The following PHF8 variants were observed in gnomAD, a reference collection of about 807,000 sequenced individuals.
The protein encoded by PHF8 is histone lysine demethylase PHF8.
PHF8 carries 9 observed loss-of-function variants against 74.4 expected under a neutral mutation model. The observed-to-expected ratio is 0.12, with a 90% confidence interval of 0.07 to 0.21. The LOEUF (loss-of-function observed/expected upper bound fraction) is 0.21. Among genes scored for constraint, PHF8 ranks in the 10% least tolerant of loss-of-function variants. The pLI is 1.00. For missense variants in PHF8, 478 were observed against 816.6 expected, an observed-to-expected ratio of 0.59 and a Z score of 5.05; for synonymous variants, 311 against 316.6, an observed-to-expected ratio of 0.98 and a Z score of 0.19.
At chrX:54,000,360 A>C (rs1286595257) in intron 10 of PHF8, among the ~76,000 whole-genome samples, 1 of 111,868 alleles carries the variant, frequency 8.9e-6, no homozygotes, top group Non-Finnish European at 1.9e-5. Context: ...AACACTCAGG[A>C]GGACTATGAG....
At chrX:53,968,542 T>C in intron 18 of PHF8, among the ~76,000 whole-genome samples, 1 of 112,423 alleles carries the variant, frequency 8.9e-6, no homozygotes. Context: ...GAGGAGGGAA[T>C]ACTTCCACAA....
intron 6 of PHF8, 62 bp downstream of exon 6, chrX:54,016,533 A>C: frequency 5.4e-5 from 49 of 910,569 alleles, no homozygotes; most frequent in Non-Finnish European, 6.7e-5. Context: ...AATATACACT[A>C]GATATATCAC....
Position 54,042,704 on chromosome X carries a change from G to A in PHF8, c.25C>T (p.Leu9Phe). Residue 9 changes from leucine to phenylalanine, a missense_variant, in exon 2 of 22, where the codon CTC becomes TTC. By Grantham distance (22) the Leu-to-Phe change is conservative. Around this residue, in one of 9 missense-constraint regions of PHF8, gnomAD observed 15 missense variants for 50.6 expected, o/e 0.30. Transcript: ENST00000338154. MASVPVYCLCRLPYDVTRF... is the reference protein window; with the variant it reads MASVPVYCFCRLPYDVTRF... Reference sequence around the variant, plus strand: ...GTCACATCGTAAGGCAGCCGGCAGAGGCAATACACCGGCACCGAGGCCATC... The same window carrying A: ...GTCACATCGTAAGGCAGCCGGCAGAAGCAATACACCGGCACCGAGGCCATC... 1 of 1,211,013 alleles carries A rather than the reference G, an allele frequency of 8.3e-7. No individual in the cohort carries two copies.
At chrX:54,040,039 C>A (rs2066526755) in intron 2 of PHF8, 2 of 112,269 alleles carry the variant, frequency 1.8e-5, no homozygotes, top group Admixed American at 1.9e-4. Context: ...CTTCTTTATT[C>A]TTTTTCTGTG....
At chrX:53,977,660 T>C (rs1321495530) in intron 18 of PHF8, among the ~76,000 whole-genome samples, 2 of 109,086 alleles carry the variant, frequency 1.8e-5, no homozygotes, top group African/African-American at 6.7e-5. Context: ...TTTTTTTTTT[T>C]TTCTGAGACA....
In PHF8 at chrX:54,003,494, T is replaced by C. The variant is rs189010995; in HGVS notation, c.947-812A>G. Among the ~76,000 whole-genome samples the C allele has an allele frequency of 4.5e-5, 5 of 111,188 alleles. No homozygotes were observed. In the East Asian group the frequency reaches 1.4e-3, roughly 31 times the overall value. On this transcript the variant is annotated intron_variant, in intron 8 of 21. Transcript: ENST00000338154. ...CAACATGGCGAAACCCCGTCTCTACTAAAAATACAAAAACTAGCTGGGCAT... is the reference window on the plus strand; with the variant it reads ...CAACATGGCGAAACCCCGTCTCTACCAAAAATACAAAAACTAGCTGGGCAT...
At chrX:54,006,734 G>A (rs2065902343) in intron 8 of PHF8, among the ~76,000 whole-genome samples, 1 of 110,040 alleles carries the variant, frequency 9.1e-6, no homozygotes, top group Non-Finnish European at 1.9e-5. Flanking sequence ...TCTAGAGTTC[G>A]AGACCAGCTG....
chrX:54,045,843 CAA>C (rs1458838308), upstream of PHF8, among the ~76,000 whole-genome samples: 1 of 111,490 alleles, frequency 9.0e-6, no homozygotes, highest in Non-Finnish European at 1.9e-5. Flanking sequence ...TTGCGAAATG[CAA>C]AAGAGTTTAG....
intron 2 of PHF8, among the ~76,000 whole-genome samples, chrX:54,031,325 G>GGTA (rs2066351166): frequency 9.1e-6 from 1 of 110,104 alleles, no homozygotes; most frequent in South Asian, 3.9e-4. Flanking sequence ...TGCCTTCTGA[G>GGTA]GGTACCCAAG....
chrX:53,967,987 G>A (rs375101487), intron 18 of PHF8, among the ~76,000 whole-genome samples: 3 of 96,057 alleles, frequency 3.1e-5, no homozygotes, highest in South Asian at 4.3e-4. Context: ...GCGGAAGGCC[G>A]CAGGGTCCTC....
intron 19 of PHF8, among the ~76,000 whole-genome samples, chrX:53,948,035 T>C (rs911596074): frequency 1.7e-3 from 186 of 111,958 alleles, no homozygotes; most frequent in African/African-American, 5.9e-3. Flanking sequence ...GTCGCCATTG[T>C]GCCATTTCCA....
rs2065979393 is a variant in PHF8, at chrX:54,011,392, ATGCCAGAGTTCT to A, written c.784-120_784-109del. 4.2e-5 allele frequency: 27 copies of A among 639,145 alleles called. No individual in the cohort carries two copies. The South Asian group carries it at 5.7e-4, about 13-fold the overall frequency. 52.7% of individuals were successfully genotyped at this position (639,145 alleles called of 1,213,427 possible). A position where few individuals can be genotyped will look rare whatever the true frequency, so the allele number is the denominator to read the frequency against. Reference sequence around the variant, plus strand: ...TCCCATGCTCCAAAACGATGGCAATATGCCAGAGTTCTTGCCCAAACCCATCCAATTATCATT... The same window carrying A: ...TCCCATGCTCCAAAACGATGGCAATATGCCCAAACCCATCCAATTATCATT... On this transcript the variant is annotated intron_variant, in intron 7 of 21. Transcript: ENST00000338154.
rs186406497 is a variant in PHF8 at position 53,946,802 on chromosome X, T to C, written c.2540-2559A>G. On this transcript the variant is annotated intron_variant, in intron 19 of 21. Coordinates refer to ENST00000338154, the MANE Select transcript of PHF8 (RefSeq NM_015107.3). Reference sequence around the variant, plus strand: ...TTATTGTTAGTTTTGTTATGTATAATAACAGGTTGTAAGGTTTGGTGAGAA... The same window carrying C: ...TTATTGTTAGTTTTGTTATGTATAACAACAGGTTGTAAGGTTTGGTGAGAA... 2.9e-3 allele frequency among the ~76,000 whole-genome samples: 326 copies of C among 112,252 alleles called. 3 individuals are homozygous for C. The highest frequency in any genetic ancestry group is 9.9e-3 in the African/African-American group (308 of 30,968).
At chrX:53,962,788 T>C in intron 19 of PHF8, 56 bp downstream of exon 19, 1 of 650,045 alleles carries the variant, frequency 1.5e-6, no homozygotes, top group Admixed American at 2.2e-5. Flanking sequence ...CCACCTACCT[T>C]GTCTATTTCC....
intron 14 of PHF8, among the ~76,000 whole-genome samples, chrX:53,988,708 G>A (rs782612728): frequency 9.0e-5 from 8 of 88,688 alleles, no homozygotes; most frequent in African/African-American, 3.0e-4. Flanking sequence ...GGCAACCTCC[G>A]CCTCTCAGGT....
rs1414882874 is a variant in PHF8, at chrX:54,042,831, A to G, written c.-92-11T>C. 7.2e-6 allele frequency: 8 copies of G among 1,118,791 alleles called. No homozygotes were observed. Among genetic ancestry groups the G allele is most frequent in the Non-Finnish European group, 9.5e-6 (8 of 838,934 alleles). The allele number at this position is 1,118,791 out of a possible 1,213,427, so 92.2% of individuals were successfully genotyped here. ...CTCTCTGGACGATAGCTAGGCACAA[A>G]TAACACTTTTTACAGAGTGAATCAG... On this transcript the variant is annotated splice_polypyrimidine_tract_variant and intron_variant, in intron 1 of 21. Coordinates refer to ENST00000338154, the MANE Select transcript of PHF8 (RefSeq NM_015107.3).
At chrX:53,971,745 A>G (rs1478043285) in intron 18 of PHF8, among the ~76,000 whole-genome samples, 1 of 111,436 alleles carries the variant, frequency 9.0e-6, no homozygotes, top group African/African-American at 3.3e-5. Flanking sequence ...AAATGGATGA[A>G]TTCTTGGACA....
rs1557091276 is a variant in PHF8, at chrX:53,962,838, G to T, written c.2539+6C>A. The T allele has an allele frequency of 9.2e-7, 1 of 1,087,503 alleles. No individual in the cohort carries two copies. The highest frequency in any genetic ancestry group is 1.3e-6 in the Non-Finnish European group (1 of 782,596). 89.6% of individuals were successfully genotyped at this position (1,087,503 alleles called of 1,213,427 possible). Reference sequence around the variant, plus strand: ...ACAGAGTTTAAGGGACAAAATACTAGATTACCTTTAGGACTCCATGGAGCA... The same window carrying T: ...ACAGAGTTTAAGGGACAAAATACTATATTACCTTTAGGACTCCATGGAGCA... On this transcript the variant is annotated splice_donor_region_variant and intron_variant, in intron 19 of 21. Coordinates refer to ENST00000338154, the MANE Select transcript of PHF8 (RefSeq NM_015107.3).
intron 21 of PHF8, 57 bp from the exon 22 acceptor site, chrX:53,939,303 T>C (rs1056259825): frequency 3.1e-6 from 3 of 959,566 alleles, no homozygotes; most frequent in Admixed American, 4.6e-5. Context: ...ACATCAAATC[T>C]GGCACCAACT....
Sources: allele counts gnomAD v4.1 joint callset (sites outside exome capture counted in the v4.1 genomes callset), GRCh38; gene constraint gnomAD v4.1.1; regional missense constraint gnomAD v4.1.1; transcripts MANE v1.5; gene names NCBI Gene and HGNC (gene_info 2026-07-23, HGNC 2026-07-21).